Variants in SLC14A2 observed in about 807,000 individuals in gnomAD.
The protein encoded by SLC14A2 is solute carrier family 14 member 2.
Under a neutral mutation model 104.6 loss-of-function variants are expected in SLC14A2, and 91 were observed. The observed-to-expected ratio is 0.87, with a 90% confidence interval of 0.73 to 1.04. The LOEUF is 1.04. Ranked by LOEUF, SLC14A2 falls within the 50% of genes least tolerant of loss-of-function variation. The pLI is 0.00. For missense variants in SLC14A2, 1,189 were observed against 1,156.0 expected, an observed-to-expected ratio of 1.03 and a Z score of -0.41; for synonymous variants, 476 against 466.4, an observed-to-expected ratio of 1.02 and a Z score of -0.27.
At chr18:45,669,244 C>A in intron 15 of SLC14A2, 62 bp from the exon 16 acceptor site, 1 of 1,392,250 alleles carries the variant, frequency 7.2e-7, no homozygotes, top group Admixed American at 2.0e-5. Flanking sequence ...CCCACTGCAG[C>A]ACAGTCTAGT....
chr18:45,371,025 C>T (rs529101020), intron 1 of SLC14A2, among the ~76,000 whole-genome samples: 11 of 152,204 alleles, frequency 7.2e-5, no homozygotes, highest in Middle Eastern at 6.8e-3. Flanking sequence ...GCCAGAGAGG[C>T]GGGCTGATGG....
At chr18:45,427,408 G>A (rs1004153841) in intron 1 of SLC14A2, among the ~76,000 whole-genome samples, 4 of 152,154 alleles carry the variant, frequency 2.6e-5, no homozygotes, top group African/African-American at 9.7e-5. Flanking sequence ...ACCAAGCAAT[G>A]GGTTCATTTG....
intron 15 of SLC14A2, 84 bp from the exon 16 acceptor site, chr18:45,669,222 G>A (rs2046084629): frequency 8.7e-7 from 1 of 1,143,624 alleles, no homozygotes; most frequent in Admixed American, 2.3e-5. Context: ...CTCTAGGAAG[G>A]CACAGGGAGC....
At chr18:45,352,148 G>A (rs973799572) in intron 1 of SLC14A2, among the ~76,000 whole-genome samples, 1 of 152,124 alleles carries the variant, frequency 6.6e-6, no homozygotes, top group African/African-American at 2.4e-5. Context: ...TTAGGAATCT[G>A]TAGAAGGTGC....
chr18:45,432,981 A>G (rs1005684770), intron 1 of SLC14A2, among the ~76,000 whole-genome samples: 2 of 152,168 alleles, frequency 1.3e-5, no homozygotes, highest in African/African-American at 4.8e-5. Flanking sequence ...CAGATTTGCT[A>G]ACTGTTTTCT....
At chr18:45,408,308 C>A (rs978776779) in intron 1 of SLC14A2, among the ~76,000 whole-genome samples, 1 of 152,106 alleles carries the variant, frequency 6.6e-6, no homozygotes, top group African/African-American at 2.4e-5. Context: ...TATTTGCTAT[C>A]CCCTAGAACA....
intron 1 of SLC14A2, among the ~76,000 whole-genome samples, chr18:45,417,717 A>T (rs1156546266): frequency 6.6e-6 from 1 of 152,184 alleles, no homozygotes; most frequent in East Asian, 1.9e-4. Flanking sequence ...ACCTTTTATC[A>T]TCGTTATTGT....
At chr18:45,652,588 A>G (rs2045759444) in intron 10 of SLC14A2, among the ~76,000 whole-genome samples, 1 of 152,226 alleles carries the variant, frequency 6.6e-6, no homozygotes, top group South Asian at 2.1e-4. Context: ...TGGTCAATGC[A>G]GGCCTCCTCC....
intron 1 of SLC14A2, among the ~76,000 whole-genome samples, chr18:45,360,257 C>T (rs1050622755): frequency 3.3e-5 from 5 of 152,224 alleles, no homozygotes; most frequent in African/African-American, 1.2e-4. Context: ...GCCAGTCGTG[C>T]ATCCCTATGG....
intron 1 of SLC14A2, among the ~76,000 whole-genome samples, chr18:45,618,479 G>A: frequency 6.6e-6 from 1 of 151,810 alleles, no homozygotes; most frequent in East Asian, 1.9e-4. Context: ...GACCAGCCTG[G>A]CCAACATGGT....
chr18:45,628,176 T>G (rs2045290776), intron 4 of SLC14A2, among the ~76,000 whole-genome samples: 1 of 152,116 alleles, frequency 6.6e-6, no homozygotes, highest in South Asian at 2.1e-4. Flanking sequence ...CTGGGCATGG[T>G]GGTTCACACC....
At chr18:45,363,578 C>T (rs1316638933) in intron 1 of SLC14A2, among the ~76,000 whole-genome samples, 1 of 152,106 alleles carries the variant, frequency 6.6e-6, no homozygotes, top group Admixed American at 6.5e-5. Flanking sequence ...CCAGCTCAGA[C>T]TCATTGAAAT....
At chr18:45,303,029 A>G (rs1308949155) in intron 1 of SLC14A2, among the ~76,000 whole-genome samples, 1 of 152,182 alleles carries the variant, frequency 6.6e-6, no homozygotes, top group East Asian at 1.9e-4. Context: ...AAAAAAGAAA[A>G]GAAAAGAAAA....
chr18:45,199,893 C>A, the SLC14A2 span, among the ~76,000 whole-genome samples: 75,889 of 151,926 alleles, frequency 0.5, 19,372 homozygotes, highest in East Asian at 0.77. Flanking sequence ...TTCCTAGAAG[C>A]CACCTTGGGC....
chr18:45,262,930 C>G (rs1469444704), intron 1 of SLC14A2, among the ~76,000 whole-genome samples: 1 of 152,176 alleles, frequency 6.6e-6, no homozygotes, highest in African/African-American at 2.4e-5. Flanking sequence ...ACAGAAAATT[C>G]CCATGCACAC....
intron 1 of SLC14A2, among the ~76,000 whole-genome samples, chr18:45,623,657 C>A (rs2045213121): frequency 6.6e-6 from 1 of 152,104 alleles, no homozygotes; most frequent in Admixed American, 6.5e-5. Context: ...TGAAGGGAAT[C>A]CTGCAATCCT....
chr18:45,168,092 G>C, the SLC14A2 span, among the ~76,000 whole-genome samples: 1 of 152,136 alleles, frequency 6.6e-6, no homozygotes, highest in Non-Finnish European at 1.5e-5. Context: ...ATGTTGCCCT[G>C]AATCTACAAC....
chr18:45,608,844 G>C (rs1167448848), intron 2 of SLC14A2, among the ~76,000 whole-genome samples: 1 of 152,222 alleles, frequency 6.6e-6, no homozygotes, highest in Non-Finnish European at 1.5e-5. Context: ...GGTTAGGCGT[G>C]AGGGGGGCAT....
At chr18:45,533,707 G>T (rs367680315) in intron 2 of SLC14A2, among the ~76,000 whole-genome samples, 10 of 152,160 alleles carry the variant, frequency 6.6e-5, no homozygotes, top group African/African-American at 2.4e-4. Context: ...CTTCAGTTCT[G>T]CTCTGATCTT....
Sources: allele counts gnomAD v4.1 joint callset (sites outside exome capture counted in the v4.1 genomes callset), GRCh38; gene constraint gnomAD v4.1.1; transcripts MANE v1.5; gene names NCBI Gene and HGNC (gene_info 2026-07-23, HGNC 2026-07-21).